Variants in CTNND2 observed in about 807,000 individuals in gnomAD.
CTNND2 encodes catenin delta 2.
In CTNND2, 22 loss-of-function variants were observed where a neutral mutation model predicts 144.4. The ratio of observed to expected loss-of-function variants is 0.15; its 90% CI spans 0.11 to 0.22. The LOEUF (loss-of-function observed/expected upper bound fraction) is 0.22, where lower values mean the gene tolerates loss of function less well. CTNND2 is among the 10% of genes least tolerant of loss of function. The pLI is 1.00. For synonymous variants in CTNND2, 751 were observed against 695.6 expected (o/e 1.08, Z -1.25); for missense variants, 1,353 against 1,618.8 (o/e 0.84, Z 2.82).
At chr5:11,673,979 G>A (rs1318107067) in intron 2 of CTNND2, among the ~76,000 whole-genome samples, 2 of 152,116 alleles carry the variant, frequency 1.3e-5, no homozygotes, top group East Asian at 3.9e-4. Context: ...TTCAACCTCA[G>A]TTTTAAATAT....
intron 9 of CTNND2, among the ~76,000 whole-genome samples, chr5:11,286,455 T>C (rs1747766589): frequency 6.6e-6 from 1 of 152,176 alleles, no homozygotes; most frequent in South Asian, 2.1e-4. Flanking sequence ...CTACAGATAT[T>C]AAAGATAAAA....
chr5:11,172,947 GGTATT>G (rs1440661181), intron 11 of CTNND2, among the ~76,000 whole-genome samples: 8 of 152,210 alleles, frequency 5.3e-5, no homozygotes, highest in Admixed American at 6.5e-5. Flanking sequence ...GTGGGACATA[GGTATT>G]GTATGTTTTG....
chr5:11,787,599 CAG>C (rs778108941), intron 1 of CTNND2, among the ~76,000 whole-genome samples: 1 of 152,086 alleles, frequency 6.6e-6, no homozygotes, highest in East Asian at 1.9e-4. Flanking sequence ...TTTTTATTAA[CAG>C]AAAGTATTAT....
At chr5:11,240,344 C>CCA (rs1742154961) in intron 9 of CTNND2, among the ~76,000 whole-genome samples, 1 of 97,160 alleles carries the variant, frequency 1.0e-5, no homozygotes, top group African/African-American at 4.1e-5. Context: ...ACACATACAC[C>CCA]CAACACACAC....
chr5:11,268,400 T>G (rs1745666544), intron 9 of CTNND2, among the ~76,000 whole-genome samples: 1 of 152,062 alleles, frequency 6.6e-6, no homozygotes, highest in Non-Finnish European at 1.5e-5. Context: ...CTAGACAACA[T>G]GGTGAAACCT....
chr5:11,209,691 G>A (rs1365765373), intron 10 of CTNND2, among the ~76,000 whole-genome samples: 1 of 152,166 alleles, frequency 6.6e-6, no homozygotes, highest in African/African-American at 2.4e-5. Flanking sequence ...CAGAGGCCGA[G>A]GTGGGCAGAT....
At chr5:11,319,666 T>A (rs913108971) in intron 9 of CTNND2, among the ~76,000 whole-genome samples, 1 of 151,976 alleles carries the variant, frequency 6.6e-6, no homozygotes, top group Non-Finnish European at 1.5e-5. Context: ...GATTACAGGC[T>A]CCTGCCACCA....
At chr5:11,273,561 T>C (rs1746233013) in intron 9 of CTNND2, among the ~76,000 whole-genome samples, 1 of 152,240 alleles carries the variant, frequency 6.6e-6, no homozygotes, top group Non-Finnish European at 1.5e-5. Context: ...TTTCGGTCAC[T>C]GAAATTTCTT....
chr5:11,797,610 A>C (rs1399301702), intron 1 of CTNND2, among the ~76,000 whole-genome samples: 1 of 152,244 alleles, frequency 6.6e-6, no homozygotes, highest in Non-Finnish European at 1.5e-5. Context: ...AATAATTTAA[A>C]TATAAATGAT....
Position 11,077,206 on chromosome 5 carries a change from A to G in CTNND2, c.2788+5490T>C, listed in dbSNP as rs539929685. Among the ~76,000 whole-genome samples the G allele has an allele frequency of 2.6e-5, 4 of 152,366 alleles. No homozygotes were observed. The East Asian group carries it at 7.7e-4, about 29-fold the overall frequency. On this transcript the variant is annotated intron_variant, in intron 16 of 21. Coordinates refer to ENST00000304623, the MANE Select transcript of CTNND2 (RefSeq NM_001332.4). ...CATGGGATATGCCAGCAAGGAAATAAGAGAACTCTCTGCTCTTAACAGGCT... is the reference window on the plus strand; with the variant it reads ...CATGGGATATGCCAGCAAGGAAATAGGAGAACTCTCTGCTCTTAACAGGCT...
intron 2 of CTNND2, among the ~76,000 whole-genome samples, chr5:11,582,905 T>G (rs1221414131): frequency 1.3e-5 from 2 of 152,192 alleles, no homozygotes; most frequent in African/African-American, 2.4e-5. Flanking sequence ...CAATCTCATA[T>G]TATTTCCTCT....
intron 2 of CTNND2, among the ~76,000 whole-genome samples, chr5:11,615,776 G>C (rs886389101): frequency 6.6e-6 from 1 of 152,146 alleles, no homozygotes; most frequent in African/African-American, 2.4e-5. Flanking sequence ...AAGACCATAG[G>C]CATTTATTCT....
At chr5:11,352,561 C>A (rs1282303809) in intron 8 of CTNND2, among the ~76,000 whole-genome samples, 3 of 151,798 alleles carry the variant, frequency 2.0e-5, no homozygotes, top group Non-Finnish European at 4.4e-5. Context: ...TAAACAACAA[C>A]AAAAAAAATT....
chr5:11,311,599 TCA>T (rs1750872210), intron 9 of CTNND2, among the ~76,000 whole-genome samples: 1 of 104,006 alleles, frequency 9.6e-6, no homozygotes, highest in Admixed American at 9.6e-5. Context: ...ATACATACTC[TCA>T]CACACTCCCT....
At chr5:11,846,824 G>C (rs1388213637) in intron 1 of CTNND2, among the ~76,000 whole-genome samples, 1 of 151,706 alleles carries the variant, frequency 6.6e-6, no homozygotes, top group African/African-American at 2.4e-5. Flanking sequence ...TATGAAAATG[G>C]TTAATAGACA....
At chr5:11,082,922 A>C (rs1362139237) in intron 15 of CTNND2, 76 bp from the exon 16 acceptor site, 2 of 1,536,602 alleles carry the variant, frequency 1.3e-6, no homozygotes, top group Middle Eastern at 1.8e-4. Context: ...TTGCGTTTTC[A>C]GGCGGCTGCT....
intron 1 of CTNND2, among the ~76,000 whole-genome samples, chr5:11,901,830 TC>T: frequency 6.6e-6 from 1 of 152,234 alleles, no homozygotes; most frequent in East Asian, 1.9e-4. Context: ...TATCAACTAG[TC>T]CTTTAAAAAT....
At chr5:11,724,655 A>G (rs1417934952) in intron 2 of CTNND2, among the ~76,000 whole-genome samples, 1 of 152,204 alleles carries the variant, frequency 6.6e-6, no homozygotes, top group Non-Finnish European at 1.5e-5. Context: ...CCTTTGGTTG[A>G]TATCCCAGAG....
chr5:11,530,431 TC>T (rs1773647662), intron 3 of CTNND2, among the ~76,000 whole-genome samples: 1 of 152,084 alleles, frequency 6.6e-6, no homozygotes, highest in African/African-American at 2.4e-5. Context: ...TTTGGGGAAG[TC>T]CCCCTCCCTG....
Sources: allele counts gnomAD v4.1 joint callset (sites outside exome capture counted in the v4.1 genomes callset), GRCh38; gene constraint gnomAD v4.1.1; transcripts MANE v1.5; gene names NCBI Gene and HGNC (gene_info 2026-07-23, HGNC 2026-07-21).